Variants in UGT1A8 observed in about 807,000 individuals in gnomAD.
UGT1A8 encodes the protein UDP-glucuronosyltransferase 1A8.
Under a neutral mutation model 45.3 loss-of-function variants are expected in UGT1A8, and 39 were observed. The observed-to-expected ratio is 0.86, with a 90% CI of 0.67 to 1.12. The LOEUF is 1.12. Among genes scored for constraint, UGT1A8 ranks in the 50% most tolerant of loss-of-function variants. The pLI is 0.00. For missense variants in UGT1A8, 719 were observed against 664.9 expected, an observed-to-expected ratio of 1.08 and a Z score of -0.90; for synonymous variants, 275 against 249.2, an observed-to-expected ratio of 1.10 and a Z score of -0.97.
rs28969989 is a variant in UGT1A8 at position 233,647,828 on chromosome 2, G to T, written c.855+29266G>T. ...TCAAGTTAATTGATTTGCCCCAAAAGCTAGCTTTGGTGTCATTGGTTTTCT... is the reference window on the plus strand; with the variant it reads ...TCAAGTTAATTGATTTGCCCCAAAATCTAGCTTTGGTGTCATTGGTTTTCT... On this transcript the variant is annotated intron_variant, in intron 1 of 4. Transcript: ENST00000373450. 1,984 of 992,810 alleles carry T rather than the reference G, an allele frequency of 2.0e-3. 34 individuals carry two copies. The African/African-American group carries it at 0.029, about 14-fold the overall frequency. The allele number at this position is 992,810 out of a possible 1,614,324, so 61.5% of individuals were successfully genotyped here.
At chr2:233,724,744 A>T (rs2077304128) in intron 1 of UGT1A8, among the ~76,000 whole-genome samples, 2 of 143,018 alleles carry the variant, frequency 1.4e-5, no homozygotes, top group South Asian at 5.1e-4. Context: ...GGCTCCTCAC[A>T]TCCCAGACGA....
chr2:233,743,852 G>A (rs770873874), intron 1 of UGT1A8: 10 of 1,367,226 alleles, frequency 7.3e-6, no homozygotes, highest in East Asian at 9.1e-5. Flanking sequence ...CTTGCGGTAC[G>A]CCTTCTTGAT....
chr2:233,757,331 A>T (rs1696493214), intron 1 of UGT1A8, among the ~76,000 whole-genome samples: 1 of 150,806 alleles, frequency 6.6e-6, no homozygotes, highest in Non-Finnish European at 1.5e-5. Context: ...CTGAAATGGG[A>T]CCATGACAGC....
At chr2:233,726,313 G>T (rs2077524359) in intron 1 of UGT1A8, among the ~76,000 whole-genome samples, 2 of 152,198 alleles carry the variant, frequency 1.3e-5, no homozygotes, top group Non-Finnish European at 2.9e-5. Context: ...GGATCATTGA[G>T]CTCAGGAGTT....
chr2:233,637,583 A>G (rs10929251), intron 1 of UGT1A8, among the ~76,000 whole-genome samples: 19,259 of 152,284 alleles, frequency 0.13, 1,292 homozygotes, highest in Non-Finnish European at 0.16. Context: ...GTAATAATTT[A>G]AAAATTATAG....
chr2:233,718,793 C>G (rs375687360), intron 1 of UGT1A8: 30 of 1,613,028 alleles, frequency 1.9e-5, no homozygotes, highest in South Asian at 4.4e-5. Flanking sequence ...GTGGGGTGGA[C>G]AGTCAGCTGT....
At chr2:233,750,699 C>T (rs1694542281) in intron 1 of UGT1A8, 1 of 151,888 alleles carries the variant, frequency 6.6e-6, no homozygotes, top group South Asian at 2.1e-4. Context: ...TAAAAGAGGC[C>T]AAGGTAGAGC....
At chr2:233,680,119 C>T (rs746737055) in intron 1 of UGT1A8, among the ~76,000 whole-genome samples, 28 of 152,162 alleles carry the variant, frequency 1.8e-4, no homozygotes, top group African/African-American at 3.9e-4. Flanking sequence ...GCTCAATCTA[C>T]GGTACCTATC....
chr2:233,724,364 G>A lies in UGT1A8; in HGVS notation c.856-42670G>A, dbSNP rs1172748596. Among the ~76,000 whole-genome samples the A allele has an allele frequency of 6.2e-5, 9 of 145,640 alleles. 1 individual carries two copies. Among genetic ancestry groups the A allele is most frequent in the Admixed American group, 2.7e-4 (4 of 14,670 alleles). ...GACCCCCCCCACCTCCCTCCCGGAC[G>A]GGGTGGCTGCCGGGCGGAGACGCTC... On this transcript the variant is annotated intron_variant, in intron 1 of 4. Coordinates refer to ENST00000373450, the MANE Select transcript of UGT1A8 (RefSeq NM_019076.5).
intron 1 of UGT1A8, among the ~76,000 whole-genome samples, chr2:233,745,926 AAGGG>A (rs1399819653): frequency 2.0e-5 from 3 of 151,524 alleles, no homozygotes; most frequent in East Asian, 3.9e-4. Context: ...AGTGATTCAG[AAGGG>A]ACAGCTGGGG....
chr2:233,746,436 G>C (rs1200457799), intron 1 of UGT1A8, among the ~76,000 whole-genome samples: 1 of 151,690 alleles, frequency 6.6e-6, no homozygotes, highest in Non-Finnish European at 1.5e-5. Context: ...TATGTCTTCA[G>C]CTTAAAAAGA....
intron 1 of UGT1A8, among the ~76,000 whole-genome samples, chr2:233,714,871 A>G (rs920771316): frequency 1.6e-4 from 24 of 148,302 alleles, no homozygotes; most frequent in African/African-American, 4.5e-4. Flanking sequence ...CTAAAATTCT[A>G]TCTTTTAAAT....
chr2:233,724,022 GC>G (rs2077155325), intron 1 of UGT1A8, among the ~76,000 whole-genome samples: 1 of 80,608 alleles, frequency 1.2e-5, no homozygotes, highest in Non-Finnish European at 2.3e-5. Flanking sequence ...TGTCATCCTG[GC>G]CCGTTCTCAA....
intron 1 of UGT1A8, among the ~76,000 whole-genome samples, chr2:233,680,750 C>T (rs1287929562): frequency 6.6e-6 from 1 of 152,104 alleles, no homozygotes; most frequent in Non-Finnish European, 1.5e-5. Flanking sequence ...GGAAACAATA[C>T]ATAGATTCCT....
At chr2:233,688,136 T>A (rs2074879208) in intron 1 of UGT1A8, among the ~76,000 whole-genome samples, 1 of 152,188 alleles carries the variant, frequency 6.6e-6, no homozygotes, top group Admixed American at 6.5e-5. Flanking sequence ...TTACTTTCTG[T>A]CTGTATGGAT....
chr2:233,724,974 A>T (rs1313555521), intron 1 of UGT1A8, among the ~76,000 whole-genome samples: 1 of 135,272 alleles, frequency 7.4e-6, no homozygotes, highest in East Asian at 2.1e-4. Flanking sequence ...AGGTTGGCGG[A>T]TCACTCGCGG....
At chr2:233,659,888 C>T (rs2073932055) in intron 1 of UGT1A8, among the ~76,000 whole-genome samples, 2 of 152,228 alleles carry the variant, frequency 1.3e-5, no homozygotes, top group South Asian at 4.1e-4. Flanking sequence ...ACTGCTTCTT[C>T]TGTATCTTCT....
intron 1 of UGT1A8, chr2:233,729,250 C>T (rs749759024): frequency 1.9e-6 from 3 of 1,614,224 alleles, no homozygotes; most frequent in South Asian, 1.1e-5. Flanking sequence ...CAGCCACTGG[C>T]TCAGCATGCG....
rs781623948 is a variant in UGT1A8, at chr2:233,772,355, G to A, written c.1389G>A (p.Met463Ile). ...CCGTGTTCTGGGTGGAGTTTGTGAT[G>A]AGGCACAAGGGCGCGCCACACCTGC... Reference protein sequence around the residue: ...DLAVFWVEFVMRHKGAPHLRP... With the variant: ...DLAVFWVEFVIRHKGAPHLRP... The change falls in exon 5 of 5, where the codon ATG (methionine) becomes ATA (isoleucine). Residue 463 changes from methionine to isoleucine, a missense_variant. Met to Ile is a conservative substitution (Grantham distance 10, BLOSUM62 1). Coordinates refer to ENST00000373450, the MANE Select transcript of UGT1A8 (RefSeq NM_019076.5). 1 of 1,614,130 alleles carries A rather than the reference G, an allele frequency of 6.2e-7. No homozygotes were observed. Among genetic ancestry groups the A allele is most frequent in the Non-Finnish European group, 8.5e-7 (1 of 1,180,056 alleles).
Sources: allele counts gnomAD v4.1 joint callset (sites outside exome capture counted in the v4.1 genomes callset), GRCh38; gene constraint gnomAD v4.1.1; transcripts MANE v1.5; gene names NCBI Gene and HGNC (gene_info 2026-07-23, HGNC 2026-07-21).